The following RSRP1 variants were observed in gnomAD, a reference collection of about 807,000 sequenced individuals.
RSRP1 encodes the protein arginine/serine-rich protein 1.
In RSRP1, 37 loss-of-function variants were observed where a neutral mutation model predicts 33.0. That is an observed-to-expected ratio of 1.12 (90% CI 0.86 to 1.48). The LOEUF (loss-of-function observed/expected upper bound fraction) is 1.48, where lower values mean the gene tolerates loss of function less well. Among genes scored for constraint, RSRP1 ranks in the 40% most tolerant of loss-of-function variants. The pLI is 0.00. For missense variants in RSRP1, 402 were observed against 385.3 expected, an observed-to-expected ratio of 1.04 and a Z score of -0.36; for synonymous variants, 167 against 158.7, an observed-to-expected ratio of 1.05 and a Z score of -0.40.
chr1:25,304,983 C>A (rs1319475807), intron 1 of RSRP1, among the ~76,000 whole-genome samples: 2 of 132,310 alleles, frequency 1.5e-5, no homozygotes, highest in African/African-American at 5.2e-5. Flanking sequence ...ATTCATCATT[C>A]CTTCATTCAA....
rs769694058 is a variant in RSRP1 at position 25,301,680 on chromosome 1, C to G, written c.-67+36298G>C. ...CCTTGGCTCACCCCCAAGGGAAGATCAGCAAGGTGAGCAGGGCGCTGCCCT... is the reference window on the plus strand; with the variant it reads ...CCTTGGCTCACCCCCAAGGGAAGATGAGCAAGGTGAGCAGGGCGCTGCCCT... On this transcript the variant is annotated intron_variant, in intron 1 of 1. Transcript: ENST00000561867. The G allele has an allele frequency of 5.9e-5, 81 of 1,379,478 alleles. 19 individuals carry two copies. The Admixed American group carries it at 1.4e-3, about 23-fold the overall frequency. 85.5% of individuals were successfully genotyped at this position (1,379,478 alleles called of 1,614,324 possible). A position where few individuals can be genotyped will look rare whatever the true frequency, so the allele number is the denominator to read the frequency against.
intron 1 of RSRP1, among the ~76,000 whole-genome samples, chr1:25,336,627 A>G (rs1645080203): frequency 6.7e-6 from 1 of 149,968 alleles, no homozygotes; most frequent in Non-Finnish European, 1.5e-5. Context: ...AAAAAACGCA[A>G]AGAGAAAGGA....
rs1644979390 is a variant in RSRP1 at position 25,330,449 on chromosome 1, A to G, written c.-67+7529T>C. The G allele has an allele frequency of 1.5e-5, 2 of 133,512 alleles. 1 individual carries two copies. Among genetic ancestry groups the G allele is most frequent in the Non-Finnish European group, 3.6e-5 (2 of 56,312 alleles). The allele number at this position is 133,512 out of a possible 1,614,324, so 8.3% of individuals were successfully genotyped here. A position where few individuals can be genotyped will look rare whatever the true frequency, so the allele number is the denominator to read the frequency against. ...AAATGAACAAGCTAACAAACTACCA[A>G]GTTTTCACTTACATAAATGTAGTTG... On this transcript the variant is annotated intron_variant, in intron 1 of 1. Transcript: ENST00000561867.
chr1:25,260,799 C>CTTTTTTTTTTT (rs996988638), intron 1 of RSRP1, among the ~76,000 whole-genome samples: 2 of 140,214 alleles, frequency 1.4e-5, no homozygotes, highest in African/African-American at 5.2e-5. Context: ...TGTCATCTTC[C>CTTTTTTTTTTT]TTTTTTTTTT....
chr1:25,304,762 A>T lies in RSRP1; in HGVS notation c.-67+33216T>A, dbSNP rs377527177. ...CTTCGATTAACCAAAACCAGGGCAA[A>T]TCTGATTTTCATCTTTGCAAGGGGA... On this transcript the variant is annotated intron_variant, in intron 1 of 1. Coordinates refer to the RSRP1 transcript ENST00000561867. 83 of 131,766 alleles carry T rather than the reference A, an allele frequency of 6.3e-4. 14 individuals carry two copies. The highest frequency in any genetic ancestry group is 2.1e-3 in the African/African-American group (82 of 38,334). The allele number at this position is 131,766 out of a possible 1,614,324, so 8.2% of individuals were successfully genotyped here. A position where few individuals can be genotyped will look rare whatever the true frequency, so the allele number is the denominator to read the frequency against.
rs144118408 is a variant in RSRP1, at chr1:25,281,553, G to A, written c.-66-34524C>T. ...ACTGAACACAAGCCTCACTGCTCCC[G>A]CATGTGCACTGCACCTTCATATACA... On this transcript the variant is annotated intron_variant, in intron 1 of 1. Coordinates refer to the RSRP1 transcript ENST00000561867. Among the ~76,000 whole-genome samples, 30 of 132,028 alleles carry A rather than the reference G, an allele frequency of 2.3e-4. 2 individuals are homozygous for A. Among genetic ancestry groups the A allele is most frequent in the East Asian group, 2.0e-3 (10 of 5,128 alleles). The allele number at this position is 132,028 out of a possible 152,430, so 86.6% of individuals were successfully genotyped here.
rs1639256178 is a variant in RSRP1, at chr1:25,245,223, CTA to C, written c.597_598del (p.Leu201GlnfsTer18). On this transcript the variant is annotated frameshift_variant, in exon 3 of 5. Transcript: ENST00000243189. LOFTEE classifies it high-confidence loss of function. ...TTTGGCTGAAGGAACAGTTCTGAGA[CTA>C]GCTGGCAAGTCAATGTTGGTTGTTC... 1.9e-6 allele frequency: 3 copies of C among 1,614,058 alleles called. No individual in the cohort carries two copies. The highest frequency in any genetic ancestry group is 2.7e-5 in the African/African-American group (2 of 74,998).
intron 1 of RSRP1, among the ~76,000 whole-genome samples, chr1:25,298,602 C>T (rs553025760): frequency 7.6e-6 from 1 of 131,448 alleles, no homozygotes; most frequent in African/African-American, 2.6e-5. Context: ...AACACAAGCC[C>T]GCTTTTCAGT....
rs561468536 is a variant in RSRP1 at position 25,266,757 on chromosome 1, G to C, written c.-66-19728C>G. The C allele has an allele frequency of 7.4e-4, 118 of 159,044 alleles. 20 individuals are homozygous for C. In the South Asian group the frequency reaches 0.015, roughly 21 times the overall value. The allele number at this position is 159,044 out of a possible 1,614,324, so 9.9% of individuals were successfully genotyped here. A position where few individuals can be genotyped will look rare whatever the true frequency, so the allele number is the denominator to read the frequency against. ...GGGTTCTGCTCCGCGACCACTTCCTGGATCTCCCCCTCCACCCTCTGTGTT... is the reference window on the plus strand; with the variant it reads ...GGGTTCTGCTCCGCGACCACTTCCTCGATCTCCCCCTCCACCCTCTGTGTT... On this transcript the variant is annotated intron_variant, in intron 1 of 1. Transcript: ENST00000561867.
At chr1:25,284,838 A>G in intron 1 of RSRP1, 1 of 1,252,210 alleles carries the variant, frequency 8.0e-7, no homozygotes, top group Non-Finnish European at 1.2e-6. Flanking sequence ...AAGATCTGGG[A>G]TATTGCCCCC....
chr1:25,286,888 T>A (rs113644110), intron 1 of RSRP1, among the ~76,000 whole-genome samples: 2,658 of 132,778 alleles, frequency 0.02, 370 homozygotes, highest in African/African-American at 0.065. Flanking sequence ...AGGTCAGGAG[T>A]CCGAGACCAA....
chr1:25,314,325 T>C lies in RSRP1; in HGVS notation c.-67+23653A>G, dbSNP rs553656136. Among the ~76,000 whole-genome samples the C allele has an allele frequency of 4.3e-4, 57 of 133,172 alleles. 15 individuals carry two copies. The highest frequency in any genetic ancestry group is 9.3e-4 in the Non-Finnish European group (52 of 56,202). 87.4% of individuals were successfully genotyped at this position (133,172 alleles called of 152,430 possible). ...TTGATATCTCCAATAACTAACTAAA[T>C]GGAGCACTTTTAATATGCTTTTTGG... On this transcript the variant is annotated intron_variant, in intron 1 of 1. Coordinates refer to the RSRP1 transcript ENST00000561867.
In RSRP1 at chr1:25,303,293, T is replaced by G. The variant is rs372473781; in HGVS notation, c.-67+34685A>C. 630 of 1,322,150 alleles carry G rather than the reference T, an allele frequency of 4.8e-4. 80 individuals are homozygous for G. The African/African-American group carries it at 7.3e-3, about 15-fold the overall frequency. 81.9% of individuals were successfully genotyped at this position (1,322,150 alleles called of 1,614,324 possible). On this transcript the variant is annotated intron_variant, in intron 1 of 1. Transcript: ENST00000561867. ...GATGGTGTTCTCTCTCTACCTTGCT[T>G]CCTTTACCCACACGCTATTTCTTTG...
chr1:25,319,640 A>C lies in RSRP1; in HGVS notation c.-67+18338T>G, dbSNP rs746463273. 3.0e-5 allele frequency among the ~76,000 whole-genome samples: 4 copies of C among 132,170 alleles called. 1 individual carries two copies. Among genetic ancestry groups the C allele is most frequent in the Non-Finnish European group, 5.4e-5 (3 of 55,748 alleles). The allele number at this position is 132,170 out of a possible 152,430, so 86.7% of individuals were successfully genotyped here. On this transcript the variant is annotated intron_variant, in intron 1 of 1. Coordinates refer to the RSRP1 transcript ENST00000561867. ...GGAAACAAAACAACTTGGACAATGGAAGGGGGAAAAAGTTCCTCAAGCAGC... is the reference window on the plus strand; with the variant it reads ...GGAAACAAAACAACTTGGACAATGGCAGGGGGAAAAAGTTCCTCAAGCAGC...
intron 1 of RSRP1, among the ~76,000 whole-genome samples, chr1:25,252,822 A>G (rs574860192): frequency 2.0e-5 from 3 of 152,016 alleles, no homozygotes; most frequent in Non-Finnish European, 4.4e-5. Flanking sequence ...GGCATGAGCC[A>G]TCGCACCTGG....
chr1:25,255,805 C>G (rs976799614), intron 1 of RSRP1, among the ~76,000 whole-genome samples: 1 of 152,090 alleles, frequency 6.6e-6, no homozygotes, highest in Non-Finnish European at 1.5e-5. Flanking sequence ...CTAGATTCCT[C>G]GCATGCACAG....
Position 25,274,106 on chromosome 1 carries a change from G to A in RSRP1, c.-66-27077C>T, listed in dbSNP as rs603362. Among the ~76,000 whole-genome samples the A allele has an allele frequency of 7.4e-3, 985 of 132,576 alleles. 142 individuals carry two copies. Among genetic ancestry groups the A allele is most frequent in the African/African-American group, 0.024 (933 of 38,848 alleles). 87.0% of individuals were successfully genotyped at this position (132,576 alleles called of 152,430 possible). ...GGGATCCAGACTCATGATGATTAGA[G>A]CTGATATTTATGAGCACTTACTATG... On this transcript the variant is annotated intron_variant, in intron 1 of 1. Coordinates refer to the RSRP1 transcript ENST00000561867.
At chr1:25,248,071 C>G (rs1319370759), upstream of RSRP1, 1 of 152,364 alleles carries the variant, frequency 6.6e-6, no homozygotes. Flanking sequence ...CGGAACACCC[C>G]AAGACCCCTG....
In RSRP1 at chr1:25,245,290, G is replaced by T; in HGVS notation, c.532C>A (p.Leu178Met). The part of the protein sequence containing the change: ...FRLSEKDRME[L>M]LEIAKTNAAK... ...GCATTGGTTTTTGCTATTTCTAACA[G>T]CTCCATTCGATCTAAAAAAAAAAGA... The change falls in exon 3 of 5, where the codon CTG becomes ATG. Residue 178 changes from leucine to methionine, a missense_variant. By Grantham distance (15) the Leu-to-Met change is conservative (BLOSUM62 2). Transcript: ENST00000243189. The T allele has an allele frequency of 6.2e-7, 1 of 1,610,656 alleles. No homozygotes were observed. Among genetic ancestry groups the T allele is most frequent in the Middle Eastern group, 1.7e-4 (1 of 6,058 alleles).
Sources: allele counts gnomAD v4.1 joint callset (sites outside exome capture counted in the v4.1 genomes callset), GRCh38; gene constraint gnomAD v4.1.1; transcripts MANE v1.5; gene names NCBI Gene and HGNC (gene_info 2026-07-23, HGNC 2026-07-21).